The following POU2F1 variants were observed in gnomAD, a reference collection of about 807,000 sequenced individuals.
The protein encoded by POU2F1 is POU domain, class 2, transcription factor 1.
In POU2F1, 16 loss-of-function variants were observed where a neutral mutation model predicts 84.9. The observed-to-expected ratio is 0.19, with a 90% CI of 0.13 to 0.29. POU2F1 has a LOEUF of 0.29. Among genes scored for constraint, POU2F1 ranks in the 10% least tolerant of loss-of-function variants. The pLI is 1.00. For missense variants in POU2F1, 738 were observed against 942.6 expected, an observed-to-expected ratio of 0.78 and a Z score of 2.84; for synonymous variants, 368 against 368.3, an observed-to-expected ratio of 1.00 and a Z score of 0.01.
At position 167,332,511 on chromosome 1, in the gene POU2F1, A is replaced by T. The variant is rs774736457; in HGVS notation, c.103A>T (p.Met35Leu). 12 of 1,608,762 alleles carry T rather than the reference A, an allele frequency of 7.5e-6. No homozygotes were observed. The Admixed American group carries it at 1.0e-4, about 13-fold the overall frequency. ...NNPSETSKPS[M>L]ESGDGNTGTQ... Reference sequence around the variant, plus strand: ...TCCGTCAGAAACCAGTAAACCATCTATGGAGAGTGGAGATGGCAACACAGG... The same window carrying T: ...TCCGTCAGAAACCAGTAAACCATCTTTGGAGAGTGGAGATGGCAACACAGG... Residue 35 changes from methionine (M) to leucine (L), a missense_variant, in exon 2 of 16, where the codon ATG becomes TTG. By Grantham distance (15) the Met-to-Leu change is conservative (BLOSUM62 2). Coordinates refer to ENST00000367866, the MANE Select transcript of POU2F1 (RefSeq NM_002697.4).
chr1:167,365,452 T>G lies in POU2F1; in HGVS notation c.128-15T>G. 1 of 1,529,222 alleles carries G rather than the reference T, an allele frequency of 6.5e-7. No individual in the cohort carries two copies. Among genetic ancestry groups the G allele is most frequent in the African/African-American group, 1.4e-5 (1 of 70,998 alleles). The allele number at this position is 1,529,222 out of a possible 1,614,324, so 94.7% of individuals were successfully genotyped here. On this transcript the variant is annotated splice_polypyrimidine_tract_variant and intron_variant, in intron 2 of 15. Transcript: ENST00000367866. The stretch of plus-strand genomic sequence containing the variant: ...ATTTCTTTTAATAGTTGAAATTATT[T>G]TGCTTGCTTTCTAGGCACACAAACC...
intron 4 of POU2F1, 67 bp from the exon 5 acceptor site, chr1:167,371,850 G>A: frequency 1.3e-6 from 2 of 1,583,344 alleles, no homozygotes; most frequent in Admixed American, 3.3e-5. Flanking sequence ...CTAAAAGATG[G>A]GGTTTTAAGT....
At chr1:167,316,951 G>A (rs1235286762) in intron 1 of POU2F1, among the ~76,000 whole-genome samples, 2 of 152,120 alleles carry the variant, frequency 1.3e-5, no homozygotes, top group Non-Finnish European at 2.9e-5. Context: ...GAGTGCAGTG[G>A]TGCAGTCTAG....
chr1:167,393,124 TTGTTA>T (rs1287347928), intron 9 of POU2F1, among the ~76,000 whole-genome samples: 2 of 152,238 alleles, frequency 1.3e-5, no homozygotes, highest in Non-Finnish European at 1.5e-5. Context: ...TGTTCCTTTT[TTGTTA>T]TGTTCTTTTT....
intron 13 of POU2F1, among the ~76,000 whole-genome samples, chr1:167,409,129 G>A (rs1649786965): frequency 6.6e-6 from 1 of 152,124 alleles, no homozygotes; most frequent in Non-Finnish European, 1.5e-5. Context: ...CAAAGATTTT[G>A]TCCTACTTTA....
At position 167,343,075 on chromosome 1, in the gene POU2F1, G is replaced by C. The variant is rs1039979746; in HGVS notation, c.127+10540G>C. 3.9e-5 allele frequency among the ~76,000 whole-genome samples: 6 copies of C among 152,046 alleles called. No individual in the cohort carries two copies. The South Asian group carries it at 1.2e-3, about 31-fold the overall frequency. ...CAGTTACAGGATATGGCTTCTACAA[G>C]ATTCTGATCAGTACGTATTGAGAAA... On this transcript the variant is annotated intron_variant, in intron 2 of 15. Coordinates refer to ENST00000367866, the MANE Select transcript of POU2F1 (RefSeq NM_002697.4).
At chr1:167,300,997 T>C (rs745633967) in intron 1 of POU2F1, among the ~76,000 whole-genome samples, 6 of 151,984 alleles carry the variant, frequency 3.9e-5, no homozygotes, top group African/African-American at 7.2e-5. Context: ...CTTGAACTCC[T>C]AACCTCAGGT....
intron 1 of POU2F1, among the ~76,000 whole-genome samples, chr1:167,266,840 T>G (rs1186239977): frequency 6.6e-6 from 1 of 152,080 alleles, no homozygotes; most frequent in Non-Finnish European, 1.5e-5. Context: ...GCCAGGATGG[T>G]CTTGATCTCC....
In POU2F1 at chr1:167,426,145, C is replaced by T. The variant is rs900613984; in HGVS notation, c.*10335C>T. 8 of 152,046 alleles carry T rather than the reference C, an allele frequency of 5.3e-5. No homozygotes were observed. Among genetic ancestry groups the T allele is most frequent in the South Asian group, 4.1e-4 (2 of 4,820 alleles). The allele number at this position is 152,046 out of a possible 1,614,324, so 9.4% of individuals were successfully genotyped here. Reference sequence around the variant, plus strand: ...TTTCTTTCCTGCAGAACCTTAGACTCGTGTATTAAGTACGATTACCCAGCA... The same window carrying T: ...TTTCTTTCCTGCAGAACCTTAGACTTGTGTATTAAGTACGATTACCCAGCA... On this transcript the variant is annotated 3_prime_UTR_variant, in exon 16 of 16. Coordinates refer to ENST00000367866, the MANE Select transcript of POU2F1 (RefSeq NM_002697.4).
rs967262510 is a variant in POU2F1 at position 167,374,126 on chromosome 1, C to G, written c.421C>G (p.Gln141Glu). Residue 141 changes from glutamine (Q) to glutamate (E), a missense_variant, in exon 6 of 16, where the codon CAG (glutamine) becomes GAG (glutamate). Transcript: ENST00000367866. Reference protein sequence around the residue: ...QITGLTLTPAQQQLLLQQAQA... With the variant: ...QITGLTLTPAEQQLLLQQAQA... ...TGTTTAGCTTACTTTGACGCCTGCC[C>G]AGCAACAGTTACTACTCCAGCAGGC... 1 of 1,613,962 alleles carries G rather than the reference C, an allele frequency of 6.2e-7. No homozygotes were observed. The highest frequency in any genetic ancestry group is 8.5e-7 in the Non-Finnish European group (1 of 1,180,016).
intron 1 of POU2F1, among the ~76,000 whole-genome samples, chr1:167,282,075 C>G (rs1306634452): frequency 6.6e-6 from 1 of 152,088 alleles, no homozygotes; most frequent in Non-Finnish European, 1.5e-5. Context: ...GGCTCCCTCA[C>G]TATTTTCATA....
At position 167,412,123 on chromosome 1, in the gene POU2F1, A is replaced by G. The variant is rs150929565; in HGVS notation, c.1720A>G (p.Thr574Ala). 312 of 1,613,482 alleles carry G rather than the reference A, an allele frequency of 1.9e-4. No individual in the cohort carries two copies. The African/African-American group carries it at 3.8e-3, about 20-fold the overall frequency. ...SETSTTQTTS[T>A]PLSSPLGTSQ... Reference sequence around the variant, plus strand: ...GACCAGCACAACACAGACCACCTCCACTCCTTTGTCCTCCCCTCTTGGGAC... The same window carrying G: ...GACCAGCACAACACAGACCACCTCCGCTCCTTTGTCCTCCCCTCTTGGGAC... Residue 574 changes from threonine to alanine, a missense_variant, in exon 14 of 16, where the codon ACT (threonine) becomes GCT (alanine). Physicochemically the swap from Thr to Ala is moderately conservative, Grantham distance 58 (BLOSUM62 0). This residue lies in a region of POU2F1 where 319 missense variants were observed against 386.0 expected (regional missense o/e 0.83). Coordinates refer to ENST00000367866, the MANE Select transcript of POU2F1 (RefSeq NM_002697.4).
chr1:167,314,348 C>T (rs771025407), intron 1 of POU2F1, among the ~76,000 whole-genome samples: 2 of 152,200 alleles, frequency 1.3e-5, no homozygotes, highest in Non-Finnish European at 2.9e-5. Context: ...TATCACTGCA[C>T]ACCTACTAGA....
At chr1:167,361,624 T>C (rs768903080) in intron 2 of POU2F1, among the ~76,000 whole-genome samples, 18 of 152,144 alleles carry the variant, frequency 1.2e-4, no homozygotes, top group Admixed American at 2.0e-4. Context: ...TGTTGGCCTG[T>C]AGTTTCCTTT....
intron 1 of POU2F1, among the ~76,000 whole-genome samples, chr1:167,285,067 T>C (rs1171726395): frequency 6.6e-6 from 1 of 152,224 alleles, no homozygotes; most frequent in Non-Finnish European, 1.5e-5. Context: ...GCAAGAGCAA[T>C]AGGCTTATTA....
At chr1:167,310,375 G>A (rs1655381492) in intron 1 of POU2F1, among the ~76,000 whole-genome samples, 1 of 151,850 alleles carries the variant, frequency 6.6e-6, no homozygotes, top group African/African-American at 2.4e-5. Context: ...TACTCAGATT[G>A]GATTTTTAAA....
At chr1:167,237,532 A>G (rs989401447) in intron 1 of POU2F1, among the ~76,000 whole-genome samples, 10 of 152,032 alleles carry the variant, frequency 6.6e-5, no homozygotes, top group African/African-American at 2.4e-4. Context: ...CTGTGGAATA[A>G]GAAATGTTTG....
At chr1:167,236,033 A>T (rs1032611) in intron 1 of POU2F1, among the ~76,000 whole-genome samples, 42,482 of 152,080 alleles carry the variant, frequency 0.28, 6,153 homozygotes, top group Middle Eastern at 0.44. Flanking sequence ...GTTAACTATT[A>T]GTCTTTTAAA....
At chr1:167,282,051 AG>A (rs1653178961) in intron 1 of POU2F1, among the ~76,000 whole-genome samples, 1 of 152,056 alleles carries the variant, frequency 6.6e-6, no homozygotes, top group Non-Finnish European at 1.5e-5. Flanking sequence ...ACTCTTGCCT[AG>A]GGTTCATGGA....
Sources: allele counts gnomAD v4.1 joint callset (sites outside exome capture counted in the v4.1 genomes callset), GRCh38; gene constraint gnomAD v4.1.1; regional missense constraint gnomAD v4.1.1; transcripts MANE v1.5; gene names NCBI Gene and HGNC (gene_info 2026-07-23, HGNC 2026-07-21).